PRPF6: variants seen among roughly 807,000 people sequenced by gnomAD.
PRPF6 encodes pre-mRNA processing factor 6, also known as pre-mRNA-processing factor 6.
In PRPF6, 42 loss-of-function variants were observed where a neutral mutation model predicts 118.3. The ratio of observed to expected loss-of-function variants is 0.35; its 90% CI spans 0.28 to 0.46. The LOEUF (loss-of-function observed/expected upper bound fraction) is 0.46. Among genes scored for constraint, PRPF6 ranks in the 20% least tolerant of loss-of-function variants. The pLI, the probability that PRPF6 is intolerant of heterozygous loss-of-function variation, is 1.00. For missense variants in PRPF6, 662 were observed against 1,255.7 expected, an observed-to-expected ratio of 0.53 and a Z score of 7.15; for synonymous variants, 481 against 485.1, an observed-to-expected ratio of 0.99 and a Z score of 0.11.
Position 64,033,021 on chromosome 20 carries a change from T to C in PRPF6, c.*28T>C, listed in dbSNP as rs377458781. 100 of 1,612,478 alleles carry C rather than the reference T, an allele frequency of 6.2e-5. No individual in the cohort carries two copies. Among genetic ancestry groups the C allele is most frequent in the Non-Finnish European group, 7.3e-5 (86 of 1,179,940 alleles). On this transcript the variant is annotated 3_prime_UTR_variant, in exon 21 of 21. Transcript: ENST00000266079. ...GAGCGGTTGCCATGGCCGGTCTCCGTGGGGCAGGGTTGGGCCGCATGTGGA... is the reference window on the plus strand; with the variant it reads ...GAGCGGTTGCCATGGCCGGTCTCCGCGGGGCAGGGTTGGGCCGCATGTGGA...
Position 64,028,607 on chromosome 20 carries a change from G to C in PRPF6, c.2431+38G>C. Reference sequence around the variant, plus strand: ...CCCGACTCCGGTAAGGGGGTGCCCTGACTCCGGTAAGGGGGTGCCTTGACT... The same window carrying C: ...CCCGACTCCGGTAAGGGGGTGCCCTCACTCCGGTAAGGGGGTGCCTTGACT... On this transcript the variant is annotated intron_variant, in intron 18 of 20. Transcript: ENST00000266079. This position sits in a 1 kb window ranked among gnomAD's most constrained non-coding sequence, Gnocchi z 6.5. The C allele has an allele frequency of 6.2e-7, 1 of 1,602,910 alleles. No homozygotes were observed. The highest frequency in any genetic ancestry group is 1.1e-5 in the South Asian group (1 of 90,524).
Position 64,019,813 on chromosome 20 carries a change from A to C in PRPF6, c.1648-2944A>C, listed in dbSNP as rs866729408. The stretch of plus-strand genomic sequence containing the variant: ...GTGCTGGTTGAGTCAGACTGAAGCC[A>C]TGTGACTTGGGAGGCATCAGGTCTG... On this transcript the variant is annotated intron_variant, in intron 12 of 20. Transcript: ENST00000266079. Among the ~76,000 whole-genome samples the C allele has an allele frequency of 2.6e-5, 4 of 152,208 alleles. No homozygotes were observed. In the South Asian group the frequency reaches 6.2e-4, roughly 24 times the overall value.
chr20:64,022,858 C>T lies in PRPF6; in HGVS notation c.1749C>T (p.Phe583=), dbSNP rs749034923. The T allele has an allele frequency of 7.4e-6, 12 of 1,613,934 alleles. No homozygotes were observed. The highest frequency in any genetic ancestry group is 3.3e-5 in the South Asian group (3 of 91,084). The change falls in exon 13 of 21, where the codon TTC becomes TTT. Residue 583 remains phenylalanine (F), a synonymous_variant. Transcript: ENST00000266079. The part of the protein sequence containing the change: ...KKSVWLRAAY[F]EKNHGTRESL... ...GTGTGTGGCTGCGCGCCGCGTACTT[C>T]GAGAAGAACCATGGCACTCGGTATG...
In PRPF6 at chr20:64,011,236, T is replaced by TC. The variant is rs757118448; in HGVS notation, c.1306-43dup. The TC allele has an allele frequency of 4.5e-6, 7 of 1,572,088 alleles. No individual in the cohort carries two copies. In the East Asian group the frequency reaches 1.6e-4, roughly 35 times the overall value. On this transcript the variant is annotated intron_variant, in intron 10 of 20. Transcript: ENST00000266079. This position sits in a 1 kb window ranked among gnomAD's most constrained non-coding sequence, Gnocchi z 6.7. ...TGGGTCGCTGTCTGGCCTGCAGCTGTCCCCCCAGCACAGTGTCCTCTCCTT... is the reference window on the plus strand; with the variant it reads ...TGGGTCGCTGTCTGGCCTGCAGCTGTCCCCCCCAGCACAGTGTCCTCTCCTT...
At chr20:64,019,521 C>T (rs957107058) in intron 12 of PRPF6, among the ~76,000 whole-genome samples, 1 of 152,192 alleles carries the variant, frequency 6.6e-6, no homozygotes, top group African/African-American at 2.4e-5. Flanking sequence ...TGCTGCTTCC[C>T]TCCCGGACAC....
chr20:63,987,189 AGG>A (rs1555916397), intron 3 of PRPF6, among the ~76,000 whole-genome samples: 4 of 117,178 alleles, frequency 3.4e-5, no homozygotes, highest in African/African-American at 9.0e-5. Flanking sequence ...AAAAAAAAAA[AGG>A]GGGGGGGAGC....
In PRPF6 at chr20:64,025,980, G is replaced by A. The variant is rs1312318759; in HGVS notation, c.1950G>A (p.Lys650=). 11 of 1,613,310 alleles carry A rather than the reference G, an allele frequency of 6.8e-6. No individual in the cohort carries two copies. Among genetic ancestry groups the A allele is most frequent in the Non-Finnish European group, 8.5e-6 (10 of 1,180,034 alleles). ...AGGAGATCTGGCTGGCAGCCGTGAA[G>A]CTGGAGTCCGAGAATGATGAGTACG... The part of the protein sequence containing the change: ...NSEEIWLAAV[K]LESENDEYER... Residue 650 remains lysine, a synonymous_variant, in exon 15 of 21, where the codon AAG becomes AAA. Transcript: ENST00000266079.
At chr20:64,024,208 G>A (rs1164854404) in intron 13 of PRPF6, among the ~76,000 whole-genome samples, 1 of 152,294 alleles carries the variant, frequency 6.6e-6, no homozygotes, top group South Asian at 2.1e-4. Flanking sequence ...GGGTGCGCTT[G>A]TGCTCTGTGG....
At chr20:63,999,235 A>G in intron 7 of PRPF6, 96 bp downstream of exon 7, 4 of 1,017,368 alleles carry the variant, frequency 3.9e-6, no homozygotes, top group South Asian at 1.3e-5. Flanking sequence ...AAAATGGGAC[A>G]TGGCGGTTCT....
Position 64,028,190 on chromosome 20 carries a change from T to C in PRPF6, c.2340-288T>C, listed in dbSNP as rs531775501. ...AGACAGGCAGCTTCTGGGTGCCTTG[T>C]GCGGCCCTGGCTCTCCCAGTCTGGT... On this transcript the variant is annotated intron_variant, in intron 17 of 20. Coordinates refer to ENST00000266079, the MANE Select transcript of PRPF6 (RefSeq NM_012469.4). The surrounding 1 kb of genome is among the most constrained non-coding windows in gnomAD (Gnocchi z 6.5). Among the ~76,000 whole-genome samples the C allele has an allele frequency of 1.3e-5, 2 of 152,326 alleles. No homozygotes were observed. Among genetic ancestry groups the C allele is most frequent in the African/African-American group, 4.8e-5 (2 of 41,582 alleles).
chr20:64,028,535 C>T lies in PRPF6; in HGVS notation c.2397C>T (p.Leu799=), dbSNP rs369452685. The change falls in exon 18 of 21, where the codon CTC becomes CTT. Residue 799 remains leucine, a synonymous_variant. Transcript: ENST00000266079. This position sits in a 1 kb window ranked among gnomAD's most constrained non-coding sequence, Gnocchi z 6.5. ...RAGLKNIANT[L]MAKALQECPN... ...GGCTGAAGAACATCGCAAATACACT[C>T]ATGGCCAAGGCGCTGCAGGAGTGCC... is the stretch of plus-strand genomic sequence containing the variant. 54 of 1,613,670 alleles carry T rather than the reference C, an allele frequency of 3.3e-5. No individual in the cohort carries two copies. The highest frequency in any genetic ancestry group is 4.3e-5 in the Non-Finnish European group (51 of 1,180,016).
At chr20:63,993,541 G>T (rs1372914908) in intron 4 of PRPF6, 56 bp downstream of exon 4, 2 of 1,422,074 alleles carry the variant, frequency 1.4e-6, no homozygotes, top group African/African-American at 2.8e-5. Context: ...ACCCTAACCC[G>T]CAGAGACTCA....
chr20:64,000,521 A>G (rs2059161932), intron 8 of PRPF6, among the ~76,000 whole-genome samples: 1 of 150,402 alleles, frequency 6.6e-6, no homozygotes, highest in Admixed American at 6.6e-5. Flanking sequence ...TGCTTTGTCC[A>G]TGGAGTTGTC....
chr20:64,016,264 G>A (rs1447771948), intron 11 of PRPF6, among the ~76,000 whole-genome samples: 2 of 151,718 alleles, frequency 1.3e-5, no homozygotes, highest in African/African-American at 2.4e-5. Context: ...CTGGGATTAC[G>A]GGCACCCACC....
chr20:63,987,280 G>A (rs1317199331), intron 3 of PRPF6, among the ~76,000 whole-genome samples: 1 of 151,836 alleles, frequency 6.6e-6, no homozygotes, highest in Non-Finnish European at 1.5e-5. Flanking sequence ...GCCCAGGCAG[G>A]CAGATCATTT....
intron 8 of PRPF6, among the ~76,000 whole-genome samples, chr20:64,000,492 C>T (rs1465476974): frequency 2.7e-5 from 4 of 150,306 alleles, no homozygotes; most frequent in Admixed American, 6.6e-5. Flanking sequence ...AAGAACGACC[C>T]GAGCAGATGT....
At chr20:63,981,643 T>C (rs907768040) in intron 1 of PRPF6, among the ~76,000 whole-genome samples, 92 of 124,328 alleles carry the variant, frequency 7.4e-4, no homozygotes, top group Admixed American at 1.6e-3. Flanking sequence ...GGGCTGACAC[T>C]CCCCCCCCCC....
At chr20:64,030,862 C>T (rs2059311109) in intron 19 of PRPF6, among the ~76,000 whole-genome samples, 1 of 152,238 alleles carries the variant, frequency 6.6e-6, no homozygotes, top group African/African-American at 2.4e-5. Flanking sequence ...CGAACCCGAA[C>T]AGCTGCCCGG....
At chr20:64,015,141 G>A (rs1014416225) in intron 11 of PRPF6, among the ~76,000 whole-genome samples, 16 of 152,222 alleles carry the variant, frequency 1.1e-4, no homozygotes, top group Admixed American at 7.2e-4. Flanking sequence ...ACTTATCAGA[G>A]ACATGATTTG....
Sources: gnomAD v4.1 joint callset for allele counts (sites outside exome capture counted in the v4.1 genomes callset) on GRCh38, gnomAD v4.1.1 for gene constraint, Gnocchi (gnomAD v3.1) non-coding constraint, MANE v1.5 for transcripts, NCBI Gene and HGNC (gene_info 2026-07-23, HGNC 2026-07-21) for gene names.